PHLPP1: variants seen among roughly 807,000 people sequenced by gnomAD.
The protein encoded by PHLPP1 is PH domain and leucine rich repeat protein phosphatase 1.
In PHLPP1, 42 loss-of-function variants were observed where a neutral mutation model predicts 117.2. The ratio of observed to expected loss-of-function variants is 0.36; its 90% CI spans 0.28 to 0.46. The LOEUF (loss-of-function observed/expected upper bound fraction) is 0.46, where lower values mean the gene tolerates loss of function less well. PHLPP1 is among the 20% of genes least tolerant of loss of function. The pLI, the probability that PHLPP1 is intolerant of heterozygous loss-of-function variation, is 1.00. For synonymous variants in PHLPP1, 1,042 were observed against 970.7 expected (o/e 1.07, Z -1.37); for missense variants, 2,084 against 2,241.9 (o/e 0.93, Z 1.42).
intron 1 of PHLPP1, among the ~76,000 whole-genome samples, chr18:62,766,102 T>TATATATATATATA (rs1491446982): frequency 1.6e-5 from 1 of 60,706 alleles, no homozygotes; most frequent in South Asian, 5.2e-4. Context: ...TATATATATA[T>TATATATATATATA]AAAATATATA....
At position 62,879,340 on chromosome 18, in the gene PHLPP1, C is replaced by T. The variant is rs370284339; in HGVS notation, c.2067-15671C>T. Among the ~76,000 whole-genome samples the T allele has an allele frequency of 1.9e-4, 29 of 152,228 alleles. No homozygotes were observed. The East Asian group carries it at 5.0e-3, about 26-fold the overall frequency. ...ATGCCAGCATCTTGAAATTGGACTT[C>T]CCAACCTTCAGAACTGTGAGAAATC... On this transcript the variant is annotated intron_variant, in intron 4 of 16. Coordinates refer to ENST00000262719, the MANE Select transcript of PHLPP1 (RefSeq NM_194449.4).
chr18:62,769,913 A>G (rs1912697854), intron 1 of PHLPP1, among the ~76,000 whole-genome samples: 1 of 152,194 alleles, frequency 6.6e-6, no homozygotes, highest in African/African-American at 2.4e-5. Flanking sequence ...TTACATCATC[A>G]AATGCCATGC....
In PHLPP1 at chr18:62,861,859, A is replaced by G. The variant is rs145582300; in HGVS notation, c.2066+1258A>G. The stretch of plus-strand genomic sequence containing the variant: ...TCTTAAATGTTAGTTCTAAAATGGA[A>G]TCTAAAACCCTATTCGTGAGCTTTT... On this transcript the variant is annotated intron_variant, in intron 4 of 16. Coordinates refer to ENST00000262719, the MANE Select transcript of PHLPP1 (RefSeq NM_194449.4). Among the ~76,000 whole-genome samples the G allele has an allele frequency of 5.8e-3, 879 of 152,322 alleles. 9 individuals are homozygous for G. The highest frequency in any genetic ancestry group is 0.02 in the African/African-American group (833 of 41,568).
At chr18:62,798,315 TG>T (rs1158060500) in intron 1 of PHLPP1, among the ~76,000 whole-genome samples, 1 of 152,226 alleles carries the variant, frequency 6.6e-6, no homozygotes, top group Non-Finnish European at 1.5e-5. Flanking sequence ...TTGCTTTGCT[TG>T]GGATCCAGGT....
At chr18:62,727,227 CA>C (rs1213656513) in intron 1 of PHLPP1, among the ~76,000 whole-genome samples, 11,701 of 70,682 alleles carry the variant, frequency 0.17, 592 homozygotes, top group African/African-American at 0.28. Context: ...TACTCTGTCT[CA>C]AAAAAAAAAA....
At chr18:62,907,489 T>G (rs1207811862) in intron 8 of PHLPP1, among the ~76,000 whole-genome samples, 3 of 96,536 alleles carry the variant, frequency 3.1e-5, no homozygotes, top group Admixed American at 2.3e-4. Flanking sequence ...AAACCAAGGC[T>G]CGAGAACTAC....
intron 4 of PHLPP1, among the ~76,000 whole-genome samples, chr18:62,884,573 CGCTTACAAGTCCA>C (rs1435524187): frequency 2.0e-5 from 3 of 152,244 alleles, no homozygotes; most frequent in African/African-American, 7.2e-5. Context: ...CCCAGAGCGA[CGCTTACAAGTCCA>C]GCCGTTGAGC....
intron 14 of PHLPP1, among the ~76,000 whole-genome samples, chr18:62,969,191 G>A (rs1235774347): frequency 6.6e-6 from 1 of 152,042 alleles, no homozygotes; most frequent in Admixed American, 6.6e-5. Flanking sequence ...ACAGGTGTGA[G>A]ATATCACACT....
At chr18:62,867,911 A>C (rs1915806891) in intron 4 of PHLPP1, among the ~76,000 whole-genome samples, 1 of 151,784 alleles carries the variant, frequency 6.6e-6, no homozygotes, top group African/African-American at 2.4e-5. Context: ...TCCCAGATTC[A>C]CGCCATTCTC....
At chr18:62,956,005 T>G (rs1910600481) in intron 12 of PHLPP1, among the ~76,000 whole-genome samples, 1 of 152,202 alleles carries the variant, frequency 6.6e-6, no homozygotes, top group South Asian at 2.1e-4. Context: ...TCTGGTTGAC[T>G]GTTGATGTAA....
chr18:62,825,943 C>T (rs1156921909), intron 1 of PHLPP1, among the ~76,000 whole-genome samples: 12 of 152,062 alleles, frequency 7.9e-5, no homozygotes, highest in Admixed American at 7.9e-4. Context: ...AGTGACGAGC[C>T]AATTAAAGTA....
chr18:62,969,475 A>T (rs540631), intron 14 of PHLPP1, among the ~76,000 whole-genome samples: 50,560 of 149,774 alleles, frequency 0.34, 8,945 homozygotes, highest in East Asian at 0.61. Context: ...GTGTGCATTT[A>T]AAAAAAAAAA....
intron 14 of PHLPP1, among the ~76,000 whole-genome samples, chr18:62,963,730 A>C (rs577256627): frequency 3.3e-5 from 5 of 152,232 alleles, no homozygotes; most frequent in Non-Finnish European, 5.9e-5. Flanking sequence ...TATCTATGTA[A>C]GACTCCAGTG....
At chr18:62,969,121 G>C (rs1368215652) in intron 14 of PHLPP1, among the ~76,000 whole-genome samples, 1 of 151,958 alleles carries the variant, frequency 6.6e-6, no homozygotes, top group Non-Finnish European at 1.5e-5. Flanking sequence ...TGCCCAGGCT[G>C]ATCTTAAACT....
intron 1 of PHLPP1, among the ~76,000 whole-genome samples, chr18:62,726,882 C>T (rs999938942): frequency 2.6e-5 from 4 of 151,674 alleles, no homozygotes; most frequent in African/African-American, 9.7e-5. Context: ...CCATGCCCGG[C>T]CAGTATTTTA....
At chr18:62,926,381 C>G (rs551933718) in intron 10 of PHLPP1, among the ~76,000 whole-genome samples, 12 of 152,264 alleles carry the variant, frequency 7.9e-5, no homozygotes, top group African/African-American at 2.9e-4. Context: ...CCAAGTATTC[C>G]TGTGTTCAGC....
intron 10 of PHLPP1, among the ~76,000 whole-genome samples, chr18:62,931,599 C>A (rs1013762828): frequency 3.0e-4 from 42 of 141,532 alleles, no homozygotes; most frequent in Middle Eastern, 3.7e-3. Flanking sequence ...GCTAGATTAA[C>A]AAAAAAAAAA....
At chr18:62,858,740 G>A (rs1915560088) in intron 3 of PHLPP1, among the ~76,000 whole-genome samples, 1 of 151,966 alleles carries the variant, frequency 6.6e-6, no homozygotes, top group Admixed American at 6.5e-5. Context: ...AGACCATCCT[G>A]GGCAACATGG....
intron 1 of PHLPP1, among the ~76,000 whole-genome samples, chr18:62,824,493 G>A (rs562454853): frequency 6.6e-6 from 1 of 152,168 alleles, no homozygotes; most frequent in Non-Finnish European, 1.5e-5. Context: ...AGGGATATAG[G>A]GGGAGGGAGA....
Sources: allele counts gnomAD v4.1 joint callset (sites outside exome capture counted in the v4.1 genomes callset), GRCh38; gene constraint gnomAD v4.1.1; transcripts MANE v1.5; gene names NCBI Gene and HGNC (gene_info 2026-07-23, HGNC 2026-07-21).